LRRK1: variants seen among roughly 807,000 people sequenced by gnomAD.
LRRK1 encodes leucine-rich repeat serine/threonine-protein kinase 1.
A neutral mutation model predicts 209.1 loss-of-function variants in LRRK1; 113 were observed. That is an observed-to-expected ratio of 0.54 (90% CI 0.46 to 0.63). The LOEUF (loss-of-function observed/expected upper bound fraction) is 0.63. Among genes scored for constraint, LRRK1 ranks in the 30% least tolerant of loss-of-function variants. The probability of loss-of-function intolerance (pLI) is 0.00; values close to 1 mark genes in which losing one functional copy is unlikely to be tolerated. For synonymous variants in LRRK1, 1,144 were observed against 1,099.7 expected (o/e 1.04, Z -0.80); for missense variants, 2,284 against 2,632.2 (o/e 0.87, Z 2.89).
At chr15:100,971,521 T>C (rs2141649695) in intron 2 of LRRK1, among the ~76,000 whole-genome samples, 1 of 152,188 alleles carries the variant, frequency 6.6e-6, no homozygotes, top group African/African-American at 2.4e-5. Context: ...AGGATGATAG[T>C]GTTGAAGTCA....
chr15:101,049,336 C>T (rs2035266611), intron 22 of LRRK1: 1 of 293,278 alleles, frequency 3.4e-6, no homozygotes, highest in East Asian at 6.5e-5. Context: ...TGCTGCTGGA[C>T]AGATGAGCAT....
At chr15:101,031,763 C>G (rs1170195481) in intron 20 of LRRK1, among the ~76,000 whole-genome samples, 1 of 149,260 alleles carries the variant, frequency 6.7e-6, no homozygotes, top group Non-Finnish European at 1.5e-5. Context: ...GAGATGGAGT[C>G]TCGCTCTGTC....
chr15:101,073,958 G>A lies in LRRK1; in HGVS notation c.*5110G>A, dbSNP rs1037781410. On this transcript the variant is annotated 3_prime_UTR_variant, in exon 34 of 34. Transcript: ENST00000388948. ...AACTCAACAGTAGTTCCAAATAGCC[G>A]GAAAACAGCACTTTCAATTTTTCCA... 3.0e-4 allele frequency: 45 copies of A among 152,032 alleles called. No individual in the cohort carries two copies. The highest frequency in any genetic ancestry group is 4.7e-4 in the Non-Finnish European group (32 of 68,024). 9.4% of individuals were successfully genotyped at this position (152,032 alleles called of 1,614,324 possible).
rs1596306129 is a variant in LRRK1 at position 101,038,073 on chromosome 15, AC to A, written c.2964-7906del. Among the ~76,000 whole-genome samples, 6 of 152,348 alleles carry A rather than the reference AC, an allele frequency of 3.9e-5. No individual in the cohort carries two copies. In the East Asian group the frequency reaches 1.2e-3, roughly 29 times the overall value. ...GAATAAAATAATGGCATCTGCAGCAACCTGGATGAATTGGAGACCATTATTG... is the reference window on the plus strand; with the variant it reads ...GAATAAAATAATGGCATCTGCAGCAACTGGATGAATTGGAGACCATTATTG... On this transcript the variant is annotated intron_variant, in intron 20 of 33. Coordinates refer to ENST00000388948, the MANE Select transcript of LRRK1 (RefSeq NM_024652.6).
chr15:101,006,829 T>A (rs189076843), intron 6 of LRRK1, among the ~76,000 whole-genome samples: 6 of 152,368 alleles, frequency 3.9e-5, no homozygotes, highest in Admixed American at 3.9e-4. Flanking sequence ...ATTCACTGTG[T>A]CCTAGTGCAA....
chr15:101,073,964 C>T lies in LRRK1; in HGVS notation c.*5116C>T, dbSNP rs1298463645. ...ACAGTAGTTCCAAATAGCCGGAAAA[C>T]AGCACTTTCAATTTTTCCATCCTGC... is the stretch of plus-strand genomic sequence containing the variant. On this transcript the variant is annotated 3_prime_UTR_variant, in exon 34 of 34. Transcript: ENST00000388948. The T allele has an allele frequency of 1.3e-5, 2 of 152,120 alleles. No individual in the cohort carries two copies. Among genetic ancestry groups the T allele is most frequent in the Admixed American group, 6.6e-5 (1 of 15,266 alleles). 9.4% of individuals were successfully genotyped at this position (152,120 alleles called of 1,614,324 possible).
rs2141122278 is a variant in LRRK1, at chr15:101,045,966, CT to C, written c.2964-13del. 1 of 1,613,234 alleles carries C rather than the reference CT, an allele frequency of 6.2e-7. No homozygotes were observed. Among genetic ancestry groups the C allele is most frequent in the Non-Finnish European group, 8.5e-7 (1 of 1,179,258 alleles). ...TGGGCCCCACTGTTCACCAGTCCCC[CT>C]TGGTGTGTTTCAGCTACCTCCTGCC... On this transcript the variant is annotated splice_polypyrimidine_tract_variant and intron_variant, in intron 20 of 33. Coordinates refer to ENST00000388948, the MANE Select transcript of LRRK1 (RefSeq NM_024652.6).
At chr15:101,008,766 G>A in intron 6 of LRRK1, 71 bp from the exon 7 acceptor site, 1 of 1,190,470 alleles carries the variant, frequency 8.4e-7, no homozygotes, top group East Asian at 2.4e-5. Flanking sequence ...ATTAACCCTT[G>A]CTTTATTCCA....
chr15:100,986,626 T>A (rs1273975184), intron 4 of LRRK1, among the ~76,000 whole-genome samples: 1 of 152,242 alleles, frequency 6.6e-6, no homozygotes, highest in East Asian at 1.9e-4. Context: ...TAGAGCTGCT[T>A]GCTTTCATTC....
intron 20 of LRRK1, among the ~76,000 whole-genome samples, chr15:101,039,591 A>T (rs1274411561): frequency 6.6e-6 from 1 of 151,976 alleles, no homozygotes; most frequent in Non-Finnish European, 1.5e-5. Context: ...TGTTTGCCTG[A>T]TTGCATTGGC....
intron 2 of LRRK1, among the ~76,000 whole-genome samples, chr15:100,944,422 AG>A (rs1201205350): frequency 3.3e-5 from 5 of 152,162 alleles, no homozygotes; most frequent in Admixed American, 2.6e-4. Context: ...CTTAGGTCGA[AG>A]GGGTGGGGTA....
intron 20 of LRRK1, among the ~76,000 whole-genome samples, chr15:101,034,779 T>C (rs1466498404): frequency 4.6e-5 from 7 of 152,066 alleles, no homozygotes; most frequent in Non-Finnish European, 1.0e-4. Flanking sequence ...CCATTATTGA[T>C]CTGTTCAGGT....
Position 100,953,325 on chromosome 15 carries a change from G to A in LRRK1, c.98-20479G>A, listed in dbSNP as rs189507003. On this transcript the variant is annotated intron_variant, in intron 2 of 33. Coordinates refer to ENST00000388948, the MANE Select transcript of LRRK1 (RefSeq NM_024652.6). ...CTCTTGGCAACCACCATTCACTCTCGGCTTCTTTAATTTGGACTTTTTAAG... is the reference window on the plus strand; with the variant it reads ...CTCTTGGCAACCACCATTCACTCTCAGCTTCTTTAATTTGGACTTTTTAAG... Among the ~76,000 whole-genome samples, 12 of 151,914 alleles carry A rather than the reference G, an allele frequency of 7.9e-5. No homozygotes were observed. In the South Asian group the frequency reaches 2.1e-3, roughly 26 times the overall value.
intron 2 of LRRK1, among the ~76,000 whole-genome samples, chr15:100,949,358 G>A (rs28762694): frequency 0.029 from 4,436 of 152,252 alleles, 82 homozygotes; most frequent in Middle Eastern, 0.044. Context: ...CTTAAAACAA[G>A]TAGAGAGACT....
rs767560891 is a variant in LRRK1, at chr15:101,027,673, G to A, written c.2562G>A (p.Val854=). The change falls in exon 19 of 34, where the codon GTG becomes GTA. Residue 854 remains valine, a synonymous_variant. Transcript: ENST00000388948. This position sits in a 1 kb window ranked among gnomAD's most constrained non-coding sequence, Gnocchi z 5.1. ...GCTACCTGAGCCTGCAGGAGGCCGT[G>A]CTGGCAGAGCAGCAGCGCCGCAGCC... The part of the protein sequence containing the change: ...PRSYLSLQEA[V]LAEQQRRSRD... 1.2e-6 allele frequency: 2 copies of A among 1,613,062 alleles called. No homozygotes were observed. Among genetic ancestry groups the A allele is most frequent in the Non-Finnish European group, 1.7e-6 (2 of 1,179,730 alleles).
Position 101,022,384 on chromosome 15 carries a change from C to T in LRRK1, c.1854C>T (p.Gly618=), listed in dbSNP as rs766830026. ...SNVPAEIQKE[G]PKAMLSYLRA... ...CTTCCCCTTAATGATTTTGCACAGG[C>T]CCCAAAGCAATGCTGTCTTACCTGC... Residue 618 remains glycine (G), a splice_region_variant and synonymous_variant, in exon 15 of 34, where the codon GGC becomes GGT. Transcript: ENST00000388948. The surrounding 1 kb of genome is among the most constrained non-coding windows in gnomAD (Gnocchi z 4.0). 1.4e-5 allele frequency: 23 copies of T among 1,614,104 alleles called. No individual in the cohort carries two copies. Among genetic ancestry groups the T allele is most frequent in the Non-Finnish European group, 1.9e-5 (23 of 1,179,942 alleles).
chr15:101,010,998 C>T (rs1240274448), intron 9 of LRRK1, among the ~76,000 whole-genome samples, 161 bp downstream of exon 9: 1 of 152,232 alleles, frequency 6.6e-6, no homozygotes, highest in East Asian at 1.9e-4. Context: ...CAGCATACAG[C>T]GAGGCTGTGT....
At position 101,053,189 on chromosome 15, in the gene LRRK1, G is replaced by T; in HGVS notation, c.3857-34G>T. The T allele has an allele frequency of 1.9e-6, 3 of 1,597,018 alleles. No homozygotes were observed. The South Asian group carries it at 3.3e-5, about 18-fold the overall frequency. On this transcript the variant is annotated intron_variant, in intron 25 of 33. Transcript: ENST00000388948. ...AGGCCTGAGGCTGCAGGCACCCCAT[G>T]TCCTACTGGCTGACACTGCGCTGTC... is the stretch of plus-strand genomic sequence containing the variant.
At chr15:100,940,557 T>C (rs1295089481) in intron 2 of LRRK1, among the ~76,000 whole-genome samples, 2 of 152,236 alleles carry the variant, frequency 1.3e-5, no homozygotes, top group African/African-American at 4.8e-5. Flanking sequence ...CCCACTGTGC[T>C]TCACAGTGCA....
Sources: gnomAD v4.1 joint callset for allele counts (sites outside exome capture counted in the v4.1 genomes callset) on GRCh38, gnomAD v4.1.1 for gene constraint, Gnocchi (gnomAD v3.1) non-coding constraint, MANE v1.5 for transcripts, NCBI Gene and HGNC (gene_info 2026-07-23, HGNC 2026-07-21) for gene names.